The following LUZP2 variants were observed in gnomAD, a reference collection of about 807,000 sequenced individuals.
The protein encoded by LUZP2 is leucine zipper protein 2.
Under a neutral mutation model 51.6 loss-of-function variants are expected in LUZP2, and 52 were observed. The observed-to-expected ratio is 1.01, with a 90% CI of 0.81 to 1.27. The LOEUF is 1.27. Among genes scored for constraint, LUZP2 ranks in the 50% most tolerant of loss-of-function variants. The probability of loss-of-function intolerance (pLI) is 0.00; values close to 1 mark genes in which losing one functional copy is unlikely to be tolerated. For synonymous variants in LUZP2, 154 were observed against 137.3 expected, an observed-to-expected ratio of 1.12 and a Z score of -0.85; for missense variants, 436 against 395.4, an observed-to-expected ratio of 1.10 and a Z score of -0.87.
intron 6 of LUZP2, among the ~76,000 whole-genome samples, chr11:24,910,951 G>C (rs1853613812): frequency 6.6e-6 from 1 of 152,122 alleles, no homozygotes; most frequent in Non-Finnish European, 1.5e-5. Flanking sequence ...AAATCCACAG[G>C]GTGCAGCTGC....
intron 6 of LUZP2, among the ~76,000 whole-genome samples, chr11:24,913,186 C>A (rs1038618500): frequency 6.6e-6 from 1 of 152,198 alleles, no homozygotes; most frequent in Non-Finnish European, 1.5e-5. Flanking sequence ...ACTGAATCTT[C>A]ATCCCCATGT....
chr11:24,892,573 G>A (rs1005675101), intron 5 of LUZP2: 21 of 435,176 alleles, frequency 4.8e-5, no homozygotes, highest in Admixed American at 6.4e-5. Context: ...TAAGCCCTAT[G>A]CTATTTCTAG....
intron 1 of LUZP2, among the ~76,000 whole-genome samples, chr11:24,530,957 A>C (rs1056650878): frequency 6.7e-6 from 1 of 149,096 alleles, no homozygotes; most frequent in African/African-American, 2.4e-5. Context: ...GCTCCCTATA[A>C]CATCTGTGTT....
intron 7 of LUZP2, among the ~76,000 whole-genome samples, chr11:24,923,015 A>T (rs558060627): frequency 3.3e-5 from 5 of 151,170 alleles, no homozygotes; most frequent in Non-Finnish European, 7.4e-5. Context: ...CGCCTAGCTA[A>T]TTTTTTGTAT....
At chr11:24,745,092 T>C (rs7950404) in intron 4 of LUZP2, among the ~76,000 whole-genome samples, 9,847 of 152,186 alleles carry the variant, frequency 0.065, 1,077 homozygotes, top group African/African-American at 0.22. Flanking sequence ...TAATTTCAAT[T>C]TGTTTAAACT....
intron 1 of LUZP2, among the ~76,000 whole-genome samples, chr11:24,629,343 T>C (rs1854794552): frequency 6.6e-6 from 1 of 151,820 alleles, no homozygotes; most frequent in Non-Finnish European, 1.5e-5. Context: ...TTTGTCTTTC[T>C]GTGTCTGAAT....
At position 24,763,316 on chromosome 11, in the gene LUZP2, A is replaced by T. The variant is rs2716532; in HGVS notation, c.396+8A>T. The T allele has an allele frequency of 0.66, 848,736 of 1,286,666 alleles. 282,549 individuals carry two copies. Among genetic ancestry groups the T allele is most frequent in the Non-Finnish European group, 0.67 (647,510 of 959,554 alleles). The allele number at this position is 1,286,666 out of a possible 1,614,324, so 79.7% of individuals were successfully genotyped here. A position where few individuals can be genotyped will look rare whatever the true frequency, so the allele number is the denominator to read the frequency against. ...CGAGACCTCCAGAATGAGGTAAGAT[A>T]TATTTCATCTTAGATACATTTTATA... On this transcript the variant is annotated splice_region_variant and intron_variant, in intron 5 of 11. Coordinates refer to ENST00000336930, the MANE Select transcript of LUZP2 (RefSeq NM_001009909.4).
intron 2 of LUZP2, among the ~76,000 whole-genome samples, chr11:24,731,618 G>T (rs910307422): frequency 2.6e-5 from 4 of 151,604 alleles, no homozygotes; most frequent in African/African-American, 9.7e-5. Flanking sequence ...ACATGGCCTT[G>T]TTTTTTTGTG....
At chr11:24,827,624 C>T (rs2716485) in intron 5 of LUZP2, among the ~76,000 whole-genome samples, 119,925 of 151,992 alleles carry the variant, frequency 0.79, 47,627 homozygotes, top group East Asian at 0.88. Context: ...ATAGAAGGGG[C>T]GTAGGGGCAT....
intron 1 of LUZP2, among the ~76,000 whole-genome samples, chr11:24,580,768 A>G (rs1473474368): frequency 4.6e-5 from 7 of 152,174 alleles, no homozygotes; most frequent in Admixed American, 4.6e-4. Flanking sequence ...TTATGAATAG[A>G]AAAGTGTTCA....
intron 1 of LUZP2, among the ~76,000 whole-genome samples, chr11:24,566,806 TTATA>T (rs1232324592): frequency 2.2e-4 from 32 of 142,836 alleles, no homozygotes; most frequent in African/African-American, 3.3e-4. Flanking sequence ...ATATACATAT[TTATA>T]TATAACTTAT....
intron 8 of LUZP2, 87 bp from the exon 9 acceptor site, chr11:24,983,039 G>T (rs918764563): frequency 7.6e-7 from 1 of 1,315,276 alleles, no homozygotes; most frequent in South Asian, 1.4e-5. Flanking sequence ...TTTGTGGGGA[G>T]TATAGGCTAA....
chr11:24,667,387 A>G (rs944213628), intron 1 of LUZP2, among the ~76,000 whole-genome samples: 1 of 151,910 alleles, frequency 6.6e-6, no homozygotes, highest in Non-Finnish European at 1.5e-5. Context: ...GAGTTTCACC[A>G]TGTTGGTCAG....
At chr11:24,938,213 T>A (rs2133845023) in intron 7 of LUZP2, among the ~76,000 whole-genome samples, 1 of 152,266 alleles carries the variant, frequency 6.6e-6, no homozygotes, top group African/African-American at 2.4e-5. Flanking sequence ...AGAAATGAAT[T>A]ATTGGGATAC....
At chr11:25,058,318 T>C (rs1858744328) in intron 10 of LUZP2, among the ~76,000 whole-genome samples, 1 of 152,200 alleles carries the variant, frequency 6.6e-6, no homozygotes, top group Non-Finnish European at 1.5e-5. Flanking sequence ...CCTAATTTGA[T>C]TTATTTCCAT....
chr11:24,884,375 T>G (rs887977500), intron 5 of LUZP2, among the ~76,000 whole-genome samples: 2 of 152,002 alleles, frequency 1.3e-5, no homozygotes, highest in Admixed American at 1.3e-4. Context: ...AATGAATTCT[T>G]ATATAAAGCA....
At chr11:24,744,925 T>A (rs1859322996) in intron 4 of LUZP2, among the ~76,000 whole-genome samples, 1 of 152,158 alleles carries the variant, frequency 6.6e-6, no homozygotes, top group Non-Finnish European at 1.5e-5. Context: ...GTCGTTCAGT[T>A]TGAAGATTTT....
At chr11:24,991,107 A>G (rs1016250836) in intron 9 of LUZP2, among the ~76,000 whole-genome samples, 1 of 151,876 alleles carries the variant, frequency 6.6e-6, no homozygotes, top group African/African-American at 2.4e-5. Context: ...GTAGTCTTTT[A>G]TCCTTTACCT....
chr11:24,574,457 G>A (rs1852573263), intron 1 of LUZP2, among the ~76,000 whole-genome samples: 1 of 150,690 alleles, frequency 6.6e-6, no homozygotes. Context: ...GTGTGAGTAT[G>A]TATGTGACTT....
Sources: allele counts gnomAD v4.1 joint callset (sites outside exome capture counted in the v4.1 genomes callset), GRCh38; gene constraint gnomAD v4.1.1; transcripts MANE v1.5; gene names NCBI Gene and HGNC (gene_info 2026-07-23, HGNC 2026-07-21).